RBMS1: variants seen among roughly 807,000 people sequenced by gnomAD.
The protein encoded by RBMS1 is RNA binding motif single stranded interacting protein 1.
In RBMS1, 17 loss-of-function variants were observed where a neutral mutation model predicts 62.3. The ratio of observed to expected loss-of-function variants is 0.27; its 90% confidence interval spans 0.19 to 0.41. The LOEUF (loss-of-function observed/expected upper bound fraction) is 0.41, where lower values mean the gene tolerates loss of function less well. RBMS1 is among the 10% of genes least tolerant of loss of function. The probability of loss-of-function intolerance (pLI) is 1.00; values close to 1 mark genes in which losing one functional copy is unlikely to be tolerated. For missense variants in RBMS1, 334 were observed against 504.5 expected (o/e 0.66, Z 3.24); for synonymous variants, 172 against 170.0 (o/e 1.01, Z -0.09).
intron 4 of RBMS1, among the ~76,000 whole-genome samples, chr2:160,304,421 T>C (rs950011096): frequency 6.6e-6 from 1 of 152,202 alleles, no homozygotes; most frequent in Non-Finnish European, 1.5e-5. Flanking sequence ...AGAGAAACAA[T>C]GTTTTTGACC....
chr2:160,445,386 T>C (rs1443351024), intron 1 of RBMS1, among the ~76,000 whole-genome samples: 3 of 152,192 alleles, frequency 2.0e-5, no homozygotes, highest in African/African-American at 4.8e-5. Context: ...GGAATAAGAA[T>C]GAAGACCTTA....
intron 1 of RBMS1, among the ~76,000 whole-genome samples, chr2:160,468,449 T>C (rs1490313843): frequency 2.6e-5 from 4 of 152,198 alleles, no homozygotes; most frequent in Non-Finnish European, 5.9e-5. Flanking sequence ...CAATCTTGAG[T>C]AGGCGTTTTT....
intron 1 of RBMS1, among the ~76,000 whole-genome samples, chr2:160,484,177 T>C (rs1343531280): frequency 2.0e-5 from 3 of 151,946 alleles, no homozygotes; most frequent in African/African-American, 4.8e-5. Flanking sequence ...AGGCTGATTC[T>C]AGGTAAACAT....
intron 2 of RBMS1, among the ~76,000 whole-genome samples, chr2:160,324,403 T>C (rs1432993032): frequency 1.3e-5 from 2 of 152,222 alleles, no homozygotes; most frequent in African/African-American, 2.4e-5. Context: ...TAAGTTATTT[T>C]AATATTGGTC....
intron 1 of RBMS1, 35 bp from the exon 2 acceptor site, chr2:160,367,426 G>C (rs1559454345): frequency 6.2e-7 from 1 of 1,608,892 alleles, no homozygotes. Flanking sequence ...TAGTATGCTA[G>C]CATTAGGAGG....
intron 10 of RBMS1, 57 bp downstream of exon 10, chr2:160,281,257 G>T: frequency 7.2e-7 from 1 of 1,389,692 alleles, no homozygotes; most frequent in South Asian, 1.4e-5. Flanking sequence ...TTAACCTAGA[G>T]AGAATATACA....
intron 1 of RBMS1, among the ~76,000 whole-genome samples, chr2:160,417,572 T>A (rs1467990969): frequency 6.6e-6 from 1 of 152,198 alleles, no homozygotes; most frequent in East Asian, 1.9e-4. Context: ...ATACCACTGA[T>A]TGTGAGCTGC....
In RBMS1 at chr2:160,493,612, C is replaced by G; in HGVS notation, c.-249G>C. Reference sequence around the variant, plus strand: ...CTCCTCCCAGGCAGAAAGAAAGACACTGCAGAGCGCAGAGGGCACCCCGGA... The same window carrying G: ...CTCCTCCCAGGCAGAAAGAAAGACAGTGCAGAGCGCAGAGGGCACCCCGGA... On this transcript the variant is annotated 5_prime_UTR_variant, in exon 1 of 14. Transcript: ENST00000348849. 1 of 581,456 alleles carries G rather than the reference C, an allele frequency of 1.7e-6. No homozygotes were observed. The highest frequency in any genetic ancestry group is 3.0e-5 in the Admixed American group (1 of 33,142). The allele number at this position is 581,456 out of a possible 1,614,324, so 36.0% of individuals were successfully genotyped here. A position where few individuals can be genotyped will look rare whatever the true frequency, so the allele number is the denominator to read the frequency against.
At chr2:160,322,854 A>C (rs1573857175) in intron 2 of RBMS1, among the ~76,000 whole-genome samples, 1 of 152,122 alleles carries the variant, frequency 6.6e-6, no homozygotes. Flanking sequence ...GCAGTATAGA[A>C]CCAGTAGTTT....
chr2:160,305,383 C>A (rs1689444863), intron 4 of RBMS1, among the ~76,000 whole-genome samples: 1 of 152,140 alleles, frequency 6.6e-6, no homozygotes, highest in African/African-American at 2.4e-5. Flanking sequence ...TTTAGATACA[C>A]AAATACTTAT....
At chr2:160,335,751 T>C (rs1025920276) in intron 2 of RBMS1, among the ~76,000 whole-genome samples, 2 of 152,164 alleles carry the variant, frequency 1.3e-5, no homozygotes, top group East Asian at 1.9e-4. Flanking sequence ...CTACATGTAA[T>C]GTTAACTGTT....
chr2:160,334,824 A>G (rs897610165), intron 2 of RBMS1, among the ~76,000 whole-genome samples: 1 of 152,136 alleles, frequency 6.6e-6, no homozygotes, highest in Non-Finnish European at 1.5e-5. Flanking sequence ...TTAAATGTAT[A>G]CTAATATGAG....
chr2:160,343,337 A>C (rs1691986928), intron 2 of RBMS1, among the ~76,000 whole-genome samples: 2 of 152,354 alleles, frequency 1.3e-5, no homozygotes, highest in South Asian at 2.1e-4. Context: ...AAAAATTAAA[A>C]ACAAGAAGTC....
chr2:160,390,290 A>T (rs976522000), intron 1 of RBMS1, among the ~76,000 whole-genome samples: 1 of 152,222 alleles, frequency 6.6e-6, no homozygotes, highest in Non-Finnish European at 1.5e-5. Context: ...CTTGAATTTC[A>T]ACTTAAAGAA....
chr2:160,378,091 T>C (rs1336149634), intron 1 of RBMS1, among the ~76,000 whole-genome samples: 1 of 151,978 alleles, frequency 6.6e-6, no homozygotes, highest in African/African-American at 2.4e-5. Flanking sequence ...AACTTCTAGA[T>C]CACTTACTTA....
At chr2:160,384,990 T>C (rs1017516967) in intron 1 of RBMS1, among the ~76,000 whole-genome samples, 1 of 152,100 alleles carries the variant, frequency 6.6e-6, no homozygotes, top group Non-Finnish European at 1.5e-5. Context: ...CCTTTCCCTC[T>C]CTCTCTCTTG....
At chr2:160,459,319 C>G (rs1165156650) in intron 1 of RBMS1, among the ~76,000 whole-genome samples, 2 of 152,128 alleles carry the variant, frequency 1.3e-5, no homozygotes, top group Non-Finnish European at 2.9e-5. Flanking sequence ...AAACAGGACA[C>G]CACACAAAGT....
intron 1 of RBMS1, among the ~76,000 whole-genome samples, chr2:160,478,930 G>C (rs1685249113): frequency 6.6e-6 from 1 of 152,144 alleles, no homozygotes; most frequent in African/African-American, 2.4e-5. Flanking sequence ...GATAGCGCAG[G>C]GAAAAAAACA....
At chr2:160,462,474 A>G (rs955428232) in intron 1 of RBMS1, among the ~76,000 whole-genome samples, 2 of 152,228 alleles carry the variant, frequency 1.3e-5, no homozygotes, top group African/African-American at 4.8e-5. Flanking sequence ...ATCTGGGTGG[A>G]AGACTTTAAA....
Sources: allele counts gnomAD v4.1 joint callset (sites outside exome capture counted in the v4.1 genomes callset), GRCh38; gene constraint gnomAD v4.1.1; transcripts MANE v1.5; gene names NCBI Gene and HGNC (gene_info 2026-07-23, HGNC 2026-07-21).